Variants in ZBTB20 observed in about 807,000 individuals in gnomAD.
ZBTB20 encodes zinc finger and BTB domain containing 20.
ZBTB20 carries 9 observed loss-of-function variants against 56.9 expected under a neutral mutation model. The observed-to-expected ratio is 0.16, with a 90% confidence interval of 0.10 to 0.28. The LOEUF is 0.28. Among genes scored for constraint, ZBTB20 ranks in the 10% least tolerant of loss-of-function variants. ZBTB20 has a pLI of 1.00. For synonymous variants in ZBTB20, 417 were observed against 420.7 expected (o/e 0.99, Z 0.11); for missense variants, 655 against 1,003.0 (o/e 0.65, Z 4.69).
chr3:114,798,528 T>C (rs577824725), intron 5 of ZBTB20, among the ~76,000 whole-genome samples: 2 of 151,956 alleles, frequency 1.3e-5, no homozygotes, highest in East Asian at 1.9e-4. Flanking sequence ...AGTGGAAAGA[T>C]TGAAGCCTCA....
intron 3 of ZBTB20, among the ~76,000 whole-genome samples, chr3:114,920,422 A>C (rs1560399726): frequency 6.6e-6 from 1 of 152,244 alleles, no homozygotes. Flanking sequence ...AATTATCTCA[A>C]GTATCTTTTC....
At chr3:114,919,434 A>G (rs1460457378) in intron 3 of ZBTB20, among the ~76,000 whole-genome samples, 1 of 152,172 alleles carries the variant, frequency 6.6e-6, no homozygotes, top group Non-Finnish European at 1.5e-5. Flanking sequence ...CAGGCCAGGC[A>G]TGGTGGCTCA....
intron 6 of ZBTB20, among the ~76,000 whole-genome samples, chr3:114,554,763 C>A (rs1559953589): frequency 6.6e-6 from 1 of 152,164 alleles, no homozygotes; most frequent in Admixed American, 6.6e-5. Flanking sequence ...CAAGTGTCAG[C>A]AGATCTCTGT....
chr3:114,989,217 G>T (rs1232214724), intron 2 of ZBTB20, among the ~76,000 whole-genome samples: 1 of 152,126 alleles, frequency 6.6e-6, no homozygotes, highest in Non-Finnish European at 1.5e-5. Flanking sequence ...TTTTCTTCTA[G>T]GATTTTTATG....
At chr3:114,966,341 T>C (rs1482921030) in intron 3 of ZBTB20, among the ~76,000 whole-genome samples, 1 of 152,096 alleles carries the variant, frequency 6.6e-6, no homozygotes, top group Non-Finnish European at 1.5e-5. Context: ...ACGAGGTGAA[T>C]GAAGAAAAAT....
rs1452889536 is a variant in ZBTB20, at chr3:114,331,788, T to C, written c.*7217A>G. 6.6e-6 allele frequency: 1 copy of C among 152,200 alleles called. No individual in the cohort carries two copies. The highest frequency in any genetic ancestry group is 2.4e-5 in the African/African-American group (1 of 41,442). The allele number at this position is 152,200 out of a possible 1,614,324, so 9.4% of individuals were successfully genotyped here. ...AGCATAAGCAGATACGTGAGATATG[T>C]CAGACCTTCGACTTCTAACCAGAAG... is the stretch of plus-strand genomic sequence containing the variant. On this transcript the variant is annotated 3_prime_UTR_variant, in exon 12 of 12. Transcript: ENST00000675478.
intron 3 of ZBTB20, among the ~76,000 whole-genome samples, chr3:114,966,186 G>A (rs1195285309): frequency 6.6e-6 from 1 of 151,974 alleles, no homozygotes; most frequent in Non-Finnish European, 1.5e-5. Context: ...TTACTTCTTT[G>A]TAACGGTATA....
chr3:114,839,238 A>G (rs2074260112), intron 4 of ZBTB20, among the ~76,000 whole-genome samples: 1 of 151,924 alleles, frequency 6.6e-6, no homozygotes, highest in African/African-American at 2.4e-5. Context: ...CCATTTCGAC[A>G]AAAAATACAA....
intron 2 of ZBTB20, among the ~76,000 whole-genome samples, chr3:114,980,425 G>T (rs1261630847): frequency 6.7e-6 from 1 of 150,368 alleles, no homozygotes; most frequent in Non-Finnish European, 1.5e-5. Context: ...AATCTATTTA[G>T]CCATTTTAGT....
chr3:114,480,056 A>T (rs1195732488), intron 7 of ZBTB20, among the ~76,000 whole-genome samples: 1 of 152,162 alleles, frequency 6.6e-6, no homozygotes, highest in East Asian at 1.9e-4. Flanking sequence ...TTTGTTGAAG[A>T]TGCCCTTGAA....
At chr3:114,539,551 A>C (rs1293816594) in intron 6 of ZBTB20, among the ~76,000 whole-genome samples, 1 of 152,128 alleles carries the variant, frequency 6.6e-6, no homozygotes, top group Non-Finnish European at 1.5e-5. Context: ...ACACATGGTA[A>C]GCCTCGAGGA....
At chr3:114,428,141 TAG>T (rs1231690139) in intron 7 of ZBTB20, among the ~76,000 whole-genome samples, 3 of 151,900 alleles carry the variant, frequency 2.0e-5, no homozygotes, top group Non-Finnish European at 4.4e-5. Flanking sequence ...GAAGAGAAAA[TAG>T]AGAGAATCCC....
chr3:114,761,471 A>G (rs914210603), intron 5 of ZBTB20, among the ~76,000 whole-genome samples: 6 of 152,184 alleles, frequency 3.9e-5, no homozygotes, highest in Admixed American at 1.3e-4. Flanking sequence ...AGGGCAACTA[A>G]TGTCCACCAA....
intron 2 of ZBTB20, among the ~76,000 whole-genome samples, chr3:114,976,949 G>A (rs1576470470): frequency 2.6e-5 from 4 of 151,702 alleles, no homozygotes; most frequent in South Asian, 2.1e-4. Context: ...ACCATCTTTC[G>A]TATACCTGAA....
rs2078762140 is a variant in ZBTB20, at chr3:114,318,240, G to A, written c.*20765C>T. 1 of 152,210 alleles carries A rather than the reference G, an allele frequency of 6.6e-6. No individual in the cohort carries two copies. The highest frequency in any genetic ancestry group is 6.5e-5 in the Admixed American group (1 of 15,280). The allele number at this position is 152,210 out of a possible 1,614,324, so 9.4% of individuals were successfully genotyped here. On this transcript the variant is annotated 3_prime_UTR_variant, in exon 12 of 12. Transcript: ENST00000675478. ...TAATCCACAGAGTCAAAGAGGAGGT[G>A]GGCAAGATCCCTTGTGCTCAGTGGT... is the stretch of plus-strand genomic sequence containing the variant.
At chr3:115,036,393 G>C (rs181899565) in intron 2 of ZBTB20, among the ~76,000 whole-genome samples, 6 of 151,024 alleles carry the variant, frequency 4.0e-5, no homozygotes, top group Non-Finnish European at 5.9e-5. Flanking sequence ...TCCGCTTCCC[G>C]GGTTCAAGTG....
intron 6 of ZBTB20, among the ~76,000 whole-genome samples, chr3:114,534,970 C>A (rs1364457717): frequency 6.6e-6 from 1 of 152,182 alleles, no homozygotes; most frequent in African/African-American, 2.4e-5. Context: ...GTACCAGAAT[C>A]TCTGGGACAC....
At position 115,096,937 on chromosome 3, in the gene ZBTB20, G is replaced by A. The variant is rs72945765; in HGVS notation, c.-702-25523C>T. Reference sequence around the variant, plus strand: ...CCATTTATTTGTTAACATTTCATGGGGAAAGTATGCAGCTGCTATCCTTTT... The same window carrying A: ...CCATTTATTTGTTAACATTTCATGGAGAAAGTATGCAGCTGCTATCCTTTT... On this transcript the variant is annotated intron_variant, in intron 1 of 11. Coordinates refer to ENST00000675478, the MANE Select transcript of ZBTB20 (RefSeq NM_001348800.3). Among the ~76,000 whole-genome samples, 854 of 152,216 alleles carry A rather than the reference G, an allele frequency of 5.6e-3. 12 individuals carry two copies. Among genetic ancestry groups the A allele is most frequent in the African/African-American group, 0.02 (827 of 41,522 alleles).
Position 114,326,291 on chromosome 3 carries a change from A to C in ZBTB20, c.*12714T>G, listed in dbSNP as rs2079061860. On this transcript the variant is annotated 3_prime_UTR_variant, in exon 12 of 12. Transcript: ENST00000675478. ...GAGGCAATAAGGATTTGTAGTACAA[A>C]ATGCATGGTCTTCATCTGCAATCAA... The C allele has an allele frequency of 6.6e-6, 1 of 152,172 alleles. No individual in the cohort carries two copies. The allele number at this position is 152,172 out of a possible 1,614,324, so 9.4% of individuals were successfully genotyped here.
Sources: gnomAD v4.1 joint callset for allele counts (sites outside exome capture counted in the v4.1 genomes callset) on GRCh38, gnomAD v4.1.1 for gene constraint, MANE v1.5 for transcripts, NCBI Gene and HGNC (gene_info 2026-07-23, HGNC 2026-07-21) for gene names.